The following CFAP65 variants were observed in gnomAD, a reference collection of about 807,000 sequenced individuals.
CFAP65 encodes cilia and flagella associated protein 65.
A neutral mutation model predicts 208.0 loss-of-function variants in CFAP65; 155 were observed. That is an observed-to-expected ratio of 0.75 (90% CI 0.65 to 0.85). The LOEUF (loss-of-function observed/expected upper bound fraction) is 0.85, where lower values mean the gene tolerates loss of function less well. CFAP65 is among the 40% of genes least tolerant of loss of function. The pLI, the probability that CFAP65 is intolerant of heterozygous loss-of-function variation, is 0.00. For synonymous variants in CFAP65, 970 were observed against 986.3 expected (o/e 0.98, Z 0.31); for missense variants, 2,294 against 2,451.3 (o/e 0.94, Z 1.36).
At chr2:219,035,206 C>T in intron 5 of CFAP65, 1 of 968,968 alleles carries the variant, frequency 1.0e-6, no homozygotes, top group Non-Finnish European at 1.5e-6. Flanking sequence ...GACACATATA[C>T]ACGAATGCCA....
chr2:219,005,337 C>T (rs1163727206), intron 32 of CFAP65, 97 bp downstream of exon 32: 16 of 1,520,508 alleles, frequency 1.1e-5, no homozygotes, highest in African/African-American at 1.4e-5. Flanking sequence ...AGTTCTATTT[C>T]TCAAGAAAGG....
chr2:219,030,541 G>A, intron 9 of CFAP65, 148 bp downstream of exon 9: 5 of 1,102,702 alleles, frequency 4.5e-6, no homozygotes, highest in Non-Finnish European at 6.5e-6. Context: ...TGAGGAGAAG[G>A]ACACACCTGT....
intron 9 of CFAP65, 51 bp from the exon 10 acceptor site, chr2:219,030,259 G>A: frequency 6.4e-7 from 1 of 1,562,518 alleles, no homozygotes; most frequent in African/African-American, 1.4e-5. Flanking sequence ...GCAGAGCACT[G>A]TATGATGGGA....
rs1360340037 is a variant in CFAP65, at chr2:219,022,291, C to G, written c.2859G>C (p.Lys953Asn). The stretch of plus-strand genomic sequence containing the variant: ...CCCACATCCCCACTTGGAACAGGTA[C>G]TTGGTCTCCTCCAAAGGGCTGAAGG... ...TWTFSPLEET[K>N]YLFQVGMWVW... Residue 953 changes from lysine to asparagine, a missense_variant, in exon 17 of 35, where the codon AAG becomes AAC. By Grantham distance (94) the Lys-to-Asn change is moderately conservative. This residue lies in a region of CFAP65 where 1,427 missense variants were observed against 1,438.7 expected (regional missense o/e 0.99). Coordinates refer to ENST00000341552, the MANE Select transcript of CFAP65 (RefSeq NM_194302.4). 1 of 1,607,670 alleles carries G rather than the reference C, an allele frequency of 6.2e-7. No individual in the cohort carries two copies. The highest frequency in any genetic ancestry group is 2.2e-5 in the East Asian group (1 of 44,730).
In CFAP65 at chr2:219,027,698, G is replaced by C; in HGVS notation, c.2163C>G (p.His721Gln). 6.2e-7 allele frequency: 1 copy of C among 1,614,074 alleles called. No homozygotes were observed. The highest frequency in any genetic ancestry group is 8.5e-7 in the Non-Finnish European group (1 of 1,180,038). ...GCTCCACCGTGTAAAGGCAGTTGGG[G>C]TGAGGCGGCTGGAAGTGCAGGCGCA... The part of the protein sequence containing the change: ...MAMRLHFQPP[H>Q]PNCLYTVELE... The change falls in exon 13 of 35, where the codon CAC becomes CAG. Residue 721 changes from histidine (H) to glutamine (Q), a missense_variant. By Grantham distance (24) the His-to-Gln change is conservative. Around this residue, in one of 2 missense-constraint regions of CFAP65, gnomAD observed 867 missense variants for 1,012.6 expected, o/e 0.86. Transcript: ENST00000341552.
At chr2:219,023,493 C>T (rs1451624298) in intron 15 of CFAP65, 62 bp from the exon 16 acceptor site, 3 of 1,247,128 alleles carry the variant, frequency 2.4e-6, no homozygotes, top group African/African-American at 3.0e-5. Context: ...CCCCCCACAA[C>T]ATGTCCAGGA....
chr2:219,009,124 G>A lies in CFAP65; in HGVS notation c.4597C>T (p.His1533Tyr). ...TCCTTCCACTCCTGCAGCTCCTTGT[G>A]ATACTGCCTCATGAGCTGCTGCGAG... is the stretch of plus-strand genomic sequence containing the variant. ...LYSQQLMRQY[H>Y]KELQEWKDEK... Residue 1533 changes from histidine to tyrosine, a missense_variant, in exon 29 of 35, where the codon CAC becomes TAC. This residue lies in a region of CFAP65 where 1,427 missense variants were observed against 1,438.7 expected (regional missense o/e 0.99). Transcript: ENST00000341552. 1.2e-6 allele frequency: 2 copies of A among 1,612,900 alleles called. No individual in the cohort carries two copies. Among genetic ancestry groups the A allele is most frequent in the Non-Finnish European group, 1.7e-6 (2 of 1,179,956 alleles).
At chr2:219,035,835 CAG>C (rs1948324965) in intron 4 of CFAP65, among the ~76,000 whole-genome samples, 171 bp from the exon 5 acceptor site, 1 of 152,158 alleles carries the variant, frequency 6.6e-6, no homozygotes, top group South Asian at 2.1e-4. Flanking sequence ...GGTCTGGAGA[CAG>C]ATGGTGAGAG....
Position 219,011,003 on chromosome 2 carries a change from G to A in CFAP65, c.3958-7C>T. 1 of 1,593,698 alleles carries A rather than the reference G, an allele frequency of 6.3e-7. No homozygotes were observed. Among genetic ancestry groups the A allele is most frequent in the Non-Finnish European group, 8.6e-7 (1 of 1,164,654 alleles). ...CATTATACAGCTCATAAATCTGCAG[G>A]GGGCAGGAATAGGAAAATTGCCACA... On this transcript the variant is annotated splice_region_variant and splice_polypyrimidine_tract_variant and intron_variant, in intron 24 of 34. Coordinates refer to ENST00000341552, the MANE Select transcript of CFAP65 (RefSeq NM_194302.4).
In CFAP65 at chr2:219,013,929, T is replaced by G. The variant is rs376903310; in HGVS notation, c.3718A>C (p.Ile1240Leu). The G allele has an allele frequency of 6.8e-6, 11 of 1,613,998 alleles. No homozygotes were observed. Among genetic ancestry groups the G allele is most frequent in the Non-Finnish European group, 9.3e-6 (11 of 1,179,976 alleles). Residue 1240 changes from isoleucine to leucine, a missense_variant, in exon 22 of 35, where the codon ATC becomes CTC. Ile to Leu is a conservative substitution (Grantham distance 5). Coordinates refer to ENST00000341552, the MANE Select transcript of CFAP65 (RefSeq NM_194302.4). ...CTCAGGCTCCCAGCCTTGGGGCTGA[T>G]GGAGAAGAGGCAATTGTCCTGCACG... is the stretch of plus-strand genomic sequence containing the variant. ...MRVQDNCLFS[I>L]SPKAGSLSPG...
chr2:219,021,419 TC>T, intron 18 of CFAP65, 139 bp from the exon 19 acceptor site: 1 of 1,081,266 alleles, frequency 9.2e-7, no homozygotes, highest in Non-Finnish European at 1.3e-6. Flanking sequence ...GAGCCCCTCC[TC>T]CCAGCCTGGG....
intron 5 of CFAP65, chr2:219,035,269 A>C: frequency 2.8e-6 from 4 of 1,443,832 alleles, no homozygotes; most frequent in Non-Finnish European, 3.7e-6. Context: ...TGAATACATT[A>C]TGGTACAGGC....
chr2:219,013,755 G>T, intron 22 of CFAP65, 113 bp downstream of exon 22: 1 of 1,177,498 alleles, frequency 8.5e-7, no homozygotes, highest in African/African-American at 1.5e-5. Context: ...CAGGTGAGAA[G>T]GTGGTCCTCC....
intron 24 of CFAP65, among the ~76,000 whole-genome samples, chr2:219,012,447 G>C (rs1946551838): frequency 6.6e-6 from 1 of 152,238 alleles, no homozygotes; most frequent in South Asian, 2.1e-4. Flanking sequence ...GGTGGGTATG[G>C]AAGTGAACAG....
chr2:219,003,077 G>T lies in CFAP65; in HGVS notation c.5694-56C>A. 1.3e-6 allele frequency: 2 copies of T among 1,548,510 alleles called. No individual in the cohort carries two copies. Among genetic ancestry groups the T allele is most frequent in the Admixed American group, 2.0e-5 (1 of 50,936 alleles). On this transcript the variant is annotated intron_variant, in intron 34 of 34. Coordinates refer to ENST00000341552, the MANE Select transcript of CFAP65 (RefSeq NM_194302.4). The surrounding 1 kb of genome is among the most constrained non-coding windows in gnomAD (Gnocchi z 4.4). ...GGGGCGAGGCTTCGGGCAGAGCCTG[G>T]CTGCCCCCGTGGCCCCTCTCGCGCG...
At chr2:219,019,483 C>A (rs1343105930) in intron 20 of CFAP65, 23 bp downstream of exon 20, 1 of 1,594,704 alleles carries the variant, frequency 6.3e-7, no homozygotes, top group East Asian at 2.3e-5. Context: ...CCAGCCCCCA[C>A]CCCCACTCCA....
Position 219,039,064 on chromosome 2 carries a change from AT to A in CFAP65, c.-2-15del. 6.3e-7 allele frequency: 1 copy of A among 1,592,836 alleles called. No individual in the cohort carries two copies. Among genetic ancestry groups the A allele is most frequent in the African/African-American group, 1.3e-5 (1 of 74,464 alleles). ...AGGTAAACATCACTGAAATAAATCA[AT>A]CAAAGCATAAGTCAATCCATCTCCA... On this transcript the variant is annotated splice_polypyrimidine_tract_variant and intron_variant, in intron 2 of 34. Transcript: ENST00000341552.
intron 4 of CFAP65, among the ~76,000 whole-genome samples, chr2:219,036,433 T>C (rs1948366530): frequency 6.6e-6 from 1 of 151,782 alleles, no homozygotes; most frequent in African/African-American, 2.4e-5. Context: ...CTCAACTCAT[T>C]GGCATTTTAT....
In CFAP65 at chr2:219,021,515, C is replaced by T. The variant is rs190250769; in HGVS notation, c.3131-235G>A. Among the ~76,000 whole-genome samples, 265 of 152,280 alleles carry T rather than the reference C, an allele frequency of 1.7e-3. 1 individual carries two copies. Among genetic ancestry groups the T allele is most frequent in the Non-Finnish European group, 7.1e-4 (48 of 68,016 alleles). On this transcript the variant is annotated intron_variant, in intron 18 of 34. Coordinates refer to ENST00000341552, the MANE Select transcript of CFAP65 (RefSeq NM_194302.4). ...AGCAGCCCTGTGAGGTAGGTGCCAC[C>T]TGGTGCCCCTTTTAACAGATGAGGA...
Sources: gnomAD v4.1 joint callset for allele counts (sites outside exome capture counted in the v4.1 genomes callset) on GRCh38, gnomAD v4.1.1 for gene constraint, gnomAD v4.1.1 regional missense constraint, Gnocchi (gnomAD v3.1) non-coding constraint, MANE v1.5 for transcripts, NCBI Gene and HGNC (gene_info 2026-07-23, HGNC 2026-07-21) for gene names.